PARP8: variants seen among roughly 807,000 people sequenced by gnomAD.
PARP8 encodes protein mono-ADP-ribosyltransferase PARP8.
Under a neutral mutation model 124.1 loss-of-function variants are expected in PARP8, and 51 were observed. The observed-to-expected ratio is 0.41, with a 90% CI of 0.33 to 0.52. The LOEUF is 0.52. PARP8 is among the 20% of genes least tolerant of loss of function. The probability of loss-of-function intolerance (pLI) is 0.21; values close to 1 mark genes in which losing one functional copy is unlikely to be tolerated. For synonymous variants in PARP8, 391 were observed against 361.5 expected, an observed-to-expected ratio of 1.08 and a Z score of -0.93; for missense variants, 860 against 1,018.9, an observed-to-expected ratio of 0.84 and a Z score of 2.12.
At chr5:50,675,277 G>T (rs1457471952) in intron 2 of PARP8, among the ~76,000 whole-genome samples, 2 of 152,134 alleles carry the variant, frequency 1.3e-5, no homozygotes, top group African/African-American at 2.4e-5. Context: ...AAGTGCTGTA[G>T]TTATTTGTGT....
Position 50,842,101 on chromosome 5 carries a change from C to G in PARP8, c.*33C>G. ...CCATTTAATTAACATGATTCGAAAG[C>G]CTTCCTCGGGTTCAAAGCTGGATTT... On this transcript the variant is annotated 3_prime_UTR_variant, in exon 26 of 26. Transcript: ENST00000281631. The G allele has an allele frequency of 1.4e-6, 2 of 1,459,944 alleles. No individual in the cohort carries two copies. Among genetic ancestry groups the G allele is most frequent in the South Asian group, 2.4e-5 (2 of 82,918 alleles). 90.4% of individuals were successfully genotyped at this position (1,459,944 alleles called of 1,614,324 possible).
At chr5:50,709,156 A>G (rs1372660059) in intron 2 of PARP8, among the ~76,000 whole-genome samples, 1 of 151,912 alleles carries the variant, frequency 6.6e-6, no homozygotes, top group African/African-American at 2.4e-5. Context: ...TTTGGGGTCT[A>G]CCATTGAAAT....
chr5:50,793,052 A>T (rs891471236), intron 10 of PARP8, among the ~76,000 whole-genome samples: 1 of 152,144 alleles, frequency 6.6e-6, no homozygotes, highest in Non-Finnish European at 1.5e-5. Flanking sequence ...ACTTGTATCT[A>T]TGCTAACTTG....
At chr5:50,758,818 T>A (rs1366276446) in intron 3 of PARP8, among the ~76,000 whole-genome samples, 1 of 152,158 alleles carries the variant, frequency 6.6e-6, no homozygotes, top group Admixed American at 6.5e-5. Context: ...CTGTATTCAT[T>A]AGGGAAAGAG....
chr5:50,787,648 T>C (rs1353952039), intron 9 of PARP8, among the ~76,000 whole-genome samples: 1 of 152,088 alleles, frequency 6.6e-6, no homozygotes, highest in African/African-American at 2.4e-5. Context: ...GTTTTTACTC[T>C]TCCATCTGAA....
intron 18 of PARP8, among the ~76,000 whole-genome samples, chr5:50,825,357 A>G (rs112005428): frequency 3.9e-5 from 6 of 152,316 alleles, no homozygotes; most frequent in African/African-American, 1.4e-4. Flanking sequence ...TTTATTATTG[A>G]AATCTTTCTA....
At chr5:50,713,290 G>T (rs1754964026) in intron 2 of PARP8, among the ~76,000 whole-genome samples, 2 of 151,784 alleles carry the variant, frequency 1.3e-5, no homozygotes, top group Non-Finnish European at 2.9e-5. Context: ...GCCCAGGCTG[G>T]AGTGCAGTGG....
At chr5:50,834,193 C>T (rs576269812) in intron 24 of PARP8, 145 bp downstream of exon 24, 8 of 639,186 alleles carry the variant, frequency 1.3e-5, no homozygotes, top group Middle Eastern at 4.7e-4. Flanking sequence ...AATGCAAAAA[C>T]GGGTACCGTA....
intron 3 of PARP8, among the ~76,000 whole-genome samples, chr5:50,756,279 T>C (rs1247743039): frequency 4.6e-5 from 7 of 152,168 alleles, no homozygotes; most frequent in Non-Finnish European, 8.8e-5. Context: ...AGGGAATGCT[T>C]CCAGTTTTTG....
intron 2 of PARP8, among the ~76,000 whole-genome samples, chr5:50,688,631 T>C (rs4865628): frequency 0.85 from 128,764 of 152,174 alleles, 54,850 homozygotes; most frequent in East Asian, 0.96. Context: ...ACTAATTTGA[T>C]AGAAATTCAA....
At position 50,826,724 on chromosome 5, in the gene PARP8, A is replaced by G. The variant is rs371534387; in HGVS notation, c.1929-31A>G. ...AGAACTTTAAATATATTTGGCATGT[A>G]TTTGTGACTAATGGATCATTTTAAT... is the stretch of plus-strand genomic sequence containing the variant. On this transcript the variant is annotated intron_variant, in intron 18 of 25. Coordinates refer to ENST00000281631, the MANE Select transcript of PARP8 (RefSeq NM_024615.4). 1.9e-6 allele frequency: 3 copies of G among 1,564,514 alleles called. No individual in the cohort carries two copies. In the African/African-American group the frequency reaches 4.2e-5, roughly 22 times the overall value.
At position 50,807,012 on chromosome 5, in the gene PARP8, C is replaced by T. The variant is rs1281499886; in HGVS notation, c.1576-8420C>T. On this transcript the variant is annotated intron_variant, in intron 14 of 25. Coordinates refer to ENST00000281631, the MANE Select transcript of PARP8 (RefSeq NM_024615.4). Reference sequence around the variant, plus strand: ...ATAAAACTCAGGTTTCTATAGAATTCTATGCCTATTCTATTTTATTACATT... The same window carrying T: ...ATAAAACTCAGGTTTCTATAGAATTTTATGCCTATTCTATTTTATTACATT... Among the ~76,000 whole-genome samples the T allele has an allele frequency of 2.6e-5, 4 of 151,724 alleles. No homozygotes were observed. The East Asian group carries it at 7.7e-4, about 29-fold the overall frequency.
chr5:50,788,257 A>G (rs1396716914), intron 9 of PARP8, among the ~76,000 whole-genome samples: 1 of 146,186 alleles, frequency 6.8e-6, no homozygotes, highest in Non-Finnish European at 1.5e-5. Context: ...TGTATAATGT[A>G]TACAATATAA....
intron 7 of PARP8, among the ~76,000 whole-genome samples, chr5:50,776,589 G>A (rs1020632938): frequency 6.6e-6 from 1 of 152,144 alleles, no homozygotes; most frequent in African/African-American, 2.4e-5. Flanking sequence ...TTTCATAAAA[G>A]TTGAAAATGT....
chr5:50,761,912 G>C lies in PARP8; in HGVS notation c.423+14G>C. On this transcript the variant is annotated intron_variant, in intron 6 of 25. Coordinates refer to ENST00000281631, the MANE Select transcript of PARP8 (RefSeq NM_024615.4). ...TACGGAGGGCAGGTAAGGAAACCTG[G>C]TCTTCCAAATACCTAGTCTTAAAGT... is the stretch of plus-strand genomic sequence containing the variant. 1 of 1,540,508 alleles carries C rather than the reference G, an allele frequency of 6.5e-7. No homozygotes were observed. Among genetic ancestry groups the C allele is most frequent in the South Asian group, 1.1e-5 (1 of 87,362 alleles).
chr5:50,667,626 C>A (rs892545332), intron 1 of PARP8: 2 of 698,984 alleles, frequency 2.9e-6, no homozygotes, highest in East Asian at 2.7e-5. Flanking sequence ...GCGCCGAGGA[C>A]CCCCGGGGGG....
chr5:50,744,551 A>G (rs1758352164), intron 2 of PARP8, among the ~76,000 whole-genome samples: 2 of 152,216 alleles, frequency 1.3e-5, no homozygotes, highest in Admixed American at 6.5e-5. Context: ...ATTGAGGTGC[A>G]ATAAAATAAT....
intron 12 of PARP8, among the ~76,000 whole-genome samples, chr5:50,796,414 A>T (rs1346481290): frequency 3.3e-5 from 5 of 152,200 alleles, no homozygotes; most frequent in African/African-American, 1.2e-4. Context: ...TTCCTACTCA[A>T]ACATACGTTT....
intron 7 of PARP8, among the ~76,000 whole-genome samples, chr5:50,774,597 A>AGAGGCGCTCCTCACCTCCCAGACG (rs1739700340): frequency 1.0e-5 from 1 of 97,120 alleles, no homozygotes; most frequent in Non-Finnish European, 2.1e-5. Flanking sequence ...CCTCCCAGAC[A>AGAGGCGCTCCTCACCTCCCAGACG]GGGCGGCCGG....
Sources: allele counts gnomAD v4.1 joint callset (sites outside exome capture counted in the v4.1 genomes callset), GRCh38; gene constraint gnomAD v4.1.1; transcripts MANE v1.5; gene names NCBI Gene and HGNC (gene_info 2026-07-23, HGNC 2026-07-21).